TSEN15: variants seen among roughly 807,000 people sequenced by gnomAD.
TSEN15 encodes the protein tRNA-splicing endonuclease subunit Sen15.
In TSEN15, 10 loss-of-function variants were observed where a neutral mutation model predicts 20.5. That is an observed-to-expected ratio of 0.49 (90% CI 0.30 to 0.83). TSEN15 has a LOEUF of 0.83. Among genes scored for constraint, TSEN15 ranks in the 40% least tolerant of loss-of-function variants. The probability of loss-of-function intolerance (pLI) is 0.06; values close to 1 mark genes in which losing one functional copy is unlikely to be tolerated. For synonymous variants in TSEN15, 72 were observed against 80.1 expected (o/e 0.90, Z 0.54); for missense variants, 180 against 218.6 (o/e 0.82, Z 1.11).
chr1:184,051,748 C>T lies in TSEN15; in HGVS notation c.-8C>T, dbSNP rs1048132456. The T allele has an allele frequency of 3.5e-6, 5 of 1,438,094 alleles. No homozygotes were observed. Among genetic ancestry groups the T allele is most frequent in the East Asian group, 2.9e-5 (1 of 34,908 alleles). 89.1% of individuals were successfully genotyped at this position (1,438,094 alleles called of 1,614,324 possible). ...GTGGTGCACCACGGGAGCGCCGCAC[C>T]GGCCGGCATGGAGGAGCGCGGCGAT... is the stretch of plus-strand genomic sequence containing the variant. On this transcript the variant is annotated 5_prime_UTR_variant, in exon 1 of 5. Transcript: ENST00000645668.
chr1:184,070,698 C>T (rs1177111399), intron 3 of TSEN15: 5 of 1,278,108 alleles, frequency 3.9e-6, no homozygotes, highest in Non-Finnish European at 4.1e-6. Context: ...TGATATGCTG[C>T]CTTTTATCAC....
downstream of TSEN15, among the ~76,000 whole-genome samples, chr1:184,077,363 A>G (rs1365588949): frequency 6.6e-6 from 1 of 152,168 alleles, no homozygotes; most frequent in Non-Finnish European, 1.5e-5. Context: ...TACTGCTCAG[A>G]AAAAAAGATT....
At chr1:184,070,765 C>A in intron 3 of TSEN15, 3 of 731,916 alleles carry the variant, frequency 4.1e-6, no homozygotes, top group Non-Finnish European at 5.5e-6. Context: ...TCTATCGTTG[C>A]TTTATCAGAA....
downstream of TSEN15, among the ~76,000 whole-genome samples, chr1:184,077,126 T>TGGCTTCAA (rs552249777): frequency 5.6e-3 from 857 of 152,280 alleles, 5 homozygotes; most frequent in African/African-American, 0.019. Flanking sequence ...AGCCAATGTC[T>TGGCTTCAA]GGCTTCAAAG....
chr1:184,077,952 A>G (rs1246351928), downstream of TSEN15, among the ~76,000 whole-genome samples: 2 of 152,214 alleles, frequency 1.3e-5, no homozygotes, highest in African/African-American at 4.8e-5. Context: ...TTAGAAAATT[A>G]CATAAACTTA....
At chr1:184,088,180 C>G (rs1651297527) in intron 3 of TSEN15, among the ~76,000 whole-genome samples, 1 of 151,414 alleles carries the variant, frequency 6.6e-6, no homozygotes, top group Non-Finnish European at 1.5e-5. Context: ...CCCAGAATGA[C>G]CGGCTATTTA....
At chr1:184,075,338 G>T (rs1651038868), downstream of TSEN15, among the ~76,000 whole-genome samples, 2 of 152,114 alleles carry the variant, frequency 1.3e-5, no homozygotes, top group Admixed American at 1.3e-4. Context: ...ACCCAGCTGT[G>T]TATGTCTCAT....
chr1:184,054,273 G>C, intron 1 of TSEN15, 81 bp from the exon 2 acceptor site: 2 of 860,478 alleles, frequency 2.3e-6, no homozygotes, highest in Non-Finnish European at 3.7e-6. Flanking sequence ...GATTATATAT[G>C]CTTGATGACC....
At chr1:184,060,681 A>T (rs1013370509) in intron 3 of TSEN15, among the ~76,000 whole-genome samples, 3 of 152,192 alleles carry the variant, frequency 2.0e-5, no homozygotes, top group African/African-American at 7.2e-5. Flanking sequence ...GTTTTATCCT[A>T]ACTTTACATA....
At chr1:184,079,294 C>G (rs1651119820) in intron 3 of TSEN15, among the ~76,000 whole-genome samples, 1 of 152,046 alleles carries the variant, frequency 6.6e-6, no homozygotes, top group Non-Finnish European at 1.5e-5. Flanking sequence ...TTTCTGGGTA[C>G]TAAGGGGAAG....
At chr1:184,060,809 T>C (rs1331172577) in intron 3 of TSEN15, among the ~76,000 whole-genome samples, 1 of 152,194 alleles carries the variant, frequency 6.6e-6, no homozygotes, top group African/African-American at 2.4e-5. Flanking sequence ...TTAGAGTTTC[T>C]CTTGCTTTAT....
At chr1:184,062,553 G>A (rs1043045624) in intron 3 of TSEN15, among the ~76,000 whole-genome samples, 1 of 152,000 alleles carries the variant, frequency 6.6e-6, no homozygotes, top group East Asian at 1.9e-4. Context: ...GGGTCCATTG[G>A]TATTTATTGA....
intron 1 of TSEN15, among the ~76,000 whole-genome samples, chr1:184,053,561 C>T (rs1650130401): frequency 6.6e-6 from 1 of 152,206 alleles, no homozygotes; most frequent in Admixed American, 6.5e-5. Flanking sequence ...GACTTTAGAC[C>T]TGTCCCCATG....
chr1:184,077,250 A>C (rs144137103), downstream of TSEN15, among the ~76,000 whole-genome samples: 1 of 152,140 alleles, frequency 6.6e-6, no homozygotes, highest in Non-Finnish European at 1.5e-5. Flanking sequence ...ATTACGCCCA[A>C]TCTACTCTAC....
intron 3 of TSEN15, among the ~76,000 whole-genome samples, chr1:184,068,422 G>A (rs1047443461): frequency 6.6e-5 from 10 of 152,074 alleles, no homozygotes; most frequent in Non-Finnish European, 1.5e-4. Flanking sequence ...CTGCATATTA[G>A]GATGTGTGTC....
intron 3 of TSEN15, among the ~76,000 whole-genome samples, chr1:184,064,187 A>C (rs1234261342): frequency 1.3e-5 from 2 of 152,190 alleles, no homozygotes. Flanking sequence ...AAGACCACAG[A>C]GGGAGGAGAC....
At chr1:184,086,727 G>A (rs1039064727) in intron 3 of TSEN15, among the ~76,000 whole-genome samples, 1 of 152,160 alleles carries the variant, frequency 6.6e-6, no homozygotes, top group Non-Finnish European at 1.5e-5. Context: ...AATGACCAGA[G>A]TGAGAGAGAG....
intron 3 of TSEN15, 106 bp downstream of exon 3, chr1:184,054,969 A>G: frequency 1.5e-6 from 2 of 1,293,310 alleles, no homozygotes; most frequent in East Asian, 5.0e-5. Flanking sequence ...CAGGGTTCAT[A>G]GCTTTACTCT....
intron 3 of TSEN15, chr1:184,095,340 T>G (rs907403158): frequency 4.4e-5 from 17 of 389,136 alleles, no homozygotes; most frequent in African/African-American, 3.1e-4. Context: ...TTTGGGCAAA[T>G]TAATGAGCTC....
Sources: allele counts gnomAD v4.1 joint callset (sites outside exome capture counted in the v4.1 genomes callset), GRCh38; gene constraint gnomAD v4.1.1; transcripts MANE v1.5; gene names NCBI Gene and HGNC (gene_info 2026-07-23, HGNC 2026-07-21).